Variants in ARHGAP22 observed in about 807,000 individuals in gnomAD.
ARHGAP22 encodes Rho GTPase activating protein 22, also known as rho GTPase-activating protein 22.
Under a neutral mutation model 59.1 loss-of-function variants are expected in ARHGAP22, and 48 were observed. The observed-to-expected ratio is 0.81, with a 90% CI of 0.64 to 1.03. The LOEUF (loss-of-function observed/expected upper bound fraction) is 1.03. ARHGAP22 is among the 50% of genes least tolerant of loss of function. The pLI is 0.00. For missense variants in ARHGAP22, 1,015 were observed against 958.7 expected (o/e 1.06, Z -0.78); for synonymous variants, 445 against 416.4 (o/e 1.07, Z -0.84).
At position 48,528,449 on chromosome 10, in the gene ARHGAP22, C is replaced by T. The variant is rs191906156; in HGVS notation, c.322+27014G>A. Among the ~76,000 whole-genome samples, 7 of 152,198 alleles carry T rather than the reference C, an allele frequency of 4.6e-5. No individual in the cohort carries two copies. The East Asian group carries it at 7.7e-4, about 17-fold the overall frequency. On this transcript the variant is annotated intron_variant, in intron 3 of 9. Transcript: ENST00000249601. ...GCCTGACACAAGGCCCAATGTGGGG[C>T]GGGGGATAGGAGGTTGCCCCGGGAG...
chr10:48,642,132 G>T (rs1250027206), intron 1 of ARHGAP22, among the ~76,000 whole-genome samples: 4 of 152,162 alleles, frequency 2.6e-5, no homozygotes, highest in Admixed American at 1.3e-4. Context: ...TGGATAGGAA[G>T]AATCAATATC....
chr10:48,589,601 C>A (rs1217109289), intron 1 of ARHGAP22, among the ~76,000 whole-genome samples: 1 of 152,216 alleles, frequency 6.6e-6, no homozygotes, highest in African/African-American at 2.4e-5. Context: ...ACCAAGCAGA[C>A]TTAACAGCTT....
chr10:48,511,107 T>C (rs1214859324), intron 3 of ARHGAP22, among the ~76,000 whole-genome samples: 1 of 152,208 alleles, frequency 6.6e-6, no homozygotes, highest in Non-Finnish European at 1.5e-5. Context: ...GGTGACTCCA[T>C]GCACGGCACG....
chr10:48,453,533 G>A lies in ARHGAP22; in HGVS notation c.867-108C>T. The A allele has an allele frequency of 2.0e-6, 3 of 1,534,038 alleles. No homozygotes were observed. The South Asian group carries it at 3.5e-5, about 18-fold the overall frequency. ...ACCCCTGCTGAGCCCTGCTGCCTGT[G>A]GGCTTTTGCCCACTGGGTGTAGCCT... On this transcript the variant is annotated intron_variant, in intron 7 of 9. Transcript: ENST00000249601.
At chr10:48,443,415 C>G (rs1372398807), downstream of ARHGAP22, among the ~76,000 whole-genome samples, 2 of 152,222 alleles carry the variant, frequency 1.3e-5, no homozygotes, top group Non-Finnish European at 2.9e-5. Flanking sequence ...CCCTACCCCA[C>G]TTCTTCACAG....
chr10:48,484,407 T>C (rs376833646), intron 3 of ARHGAP22, among the ~76,000 whole-genome samples: 4 of 152,244 alleles, frequency 2.6e-5, no homozygotes, highest in African/African-American at 9.6e-5. Flanking sequence ...TAAAATTTTG[T>C]TAAAAATATT....
At chr10:48,546,967 G>A (rs539528237) in intron 3 of ARHGAP22, among the ~76,000 whole-genome samples, 49 of 152,262 alleles carry the variant, frequency 3.2e-4, no homozygotes, top group South Asian at 1.0e-3. Context: ...ATTGAGGCAC[G>A]GAGCCCTCTG....
intron 2 of ARHGAP22, among the ~76,000 whole-genome samples, chr10:48,571,478 G>T (rs2058389833): frequency 6.6e-6 from 1 of 152,148 alleles, no homozygotes; most frequent in African/African-American, 2.4e-5. Context: ...CTCCAGAAGT[G>T]ACCTGGTCTG....
At chr10:48,492,682 T>C (rs1257785632) in intron 3 of ARHGAP22, among the ~76,000 whole-genome samples, 2 of 152,058 alleles carry the variant, frequency 1.3e-5, no homozygotes, top group Admixed American at 6.5e-5. Flanking sequence ...GCCTCCCGAG[T>C]AGCTGGGATT....
intron 1 of ARHGAP22, among the ~76,000 whole-genome samples, chr10:48,611,266 G>A (rs758086804): frequency 2.6e-5 from 4 of 152,204 alleles, no homozygotes; most frequent in Non-Finnish European, 5.9e-5. Context: ...CTTACCAGGT[G>A]TGACACCCTG....
chr10:48,618,903 G>T (rs536049279), intron 1 of ARHGAP22, among the ~76,000 whole-genome samples: 2 of 152,082 alleles, frequency 1.3e-5, no homozygotes, highest in African/African-American at 4.8e-5. Context: ...AAAGGAGAAA[G>T]TCAAATTGTT....
chr10:48,564,351 G>T (rs1436789620), intron 2 of ARHGAP22, among the ~76,000 whole-genome samples: 3 of 152,142 alleles, frequency 2.0e-5, no homozygotes, highest in Non-Finnish European at 4.4e-5. Flanking sequence ...AAGATGAATT[G>T]CTAAGAAATA....
chr10:48,552,711 C>G (rs2056996691), intron 3 of ARHGAP22, among the ~76,000 whole-genome samples: 1 of 152,206 alleles, frequency 6.6e-6, no homozygotes. Flanking sequence ...AAGGCTGGCT[C>G]AAAGCTGAGG....
intron 3 of ARHGAP22, among the ~76,000 whole-genome samples, chr10:48,483,999 T>C (rs2049599251): frequency 6.6e-6 from 1 of 152,248 alleles, no homozygotes; most frequent in East Asian, 1.9e-4. Context: ...TCCAGTAGTT[T>C]CATACTTTCA....
intron 3 of ARHGAP22, among the ~76,000 whole-genome samples, chr10:48,523,353 A>T (rs1259740390): frequency 1.3e-5 from 2 of 152,204 alleles, no homozygotes; most frequent in African/African-American, 4.8e-5. Flanking sequence ...GGGATGCACC[A>T]CTATGTTCCC....
At chr10:48,598,732 C>T (rs2060215042) in intron 1 of ARHGAP22, among the ~76,000 whole-genome samples, 2 of 152,208 alleles carry the variant, frequency 1.3e-5, no homozygotes, top group African/African-American at 2.4e-5. Flanking sequence ...CAGGCTCATT[C>T]CCTCACATCA....
At chr10:48,625,911 T>C (rs1372813845) in intron 1 of ARHGAP22, among the ~76,000 whole-genome samples, 1 of 152,164 alleles carries the variant, frequency 6.6e-6, no homozygotes, top group Non-Finnish European at 1.5e-5. Context: ...GACTTAGCCC[T>C]ATGACACCAT....
chr10:48,454,861 C>T (rs2046338209), intron 6 of ARHGAP22, 141 bp downstream of exon 6: 1 of 1,191,726 alleles, frequency 8.4e-7, no homozygotes, highest in Non-Finnish European at 1.1e-6. Context: ...CTCCAGGCCC[C>T]CACCACACCC....
chr10:48,609,774 C>T (rs1346430473), upstream of ARHGAP22, among the ~76,000 whole-genome samples: 2 of 152,180 alleles, frequency 1.3e-5, no homozygotes, highest in African/African-American at 4.8e-5. Context: ...CCACGGGGAC[C>T]TTCTACAAGG....
Sources: allele counts gnomAD v4.1 joint callset (sites outside exome capture counted in the v4.1 genomes callset), GRCh38; gene constraint gnomAD v4.1.1; transcripts MANE v1.5; gene names NCBI Gene and HGNC (gene_info 2026-07-23, HGNC 2026-07-21).